ERN1: variants seen among roughly 807,000 people sequenced by gnomAD.
ERN1 encodes serine/threonine-protein kinase/endoribonuclease IRE1.
In ERN1, 39 loss-of-function variants were observed where a neutral mutation model predicts 113.1. That is an observed-to-expected ratio of 0.34 (90% CI 0.27 to 0.45). The LOEUF (loss-of-function observed/expected upper bound fraction) is 0.45, where lower values mean the gene tolerates loss of function less well. ERN1 is among the 20% of genes least tolerant of loss of function. ERN1 has a pLI of 1.00. For missense variants in ERN1, 976 were observed against 1,274.8 expected, an observed-to-expected ratio of 0.77 and a Z score of 3.57; for synonymous variants, 507 against 515.9, an observed-to-expected ratio of 0.98 and a Z score of 0.23.
At chr17:64,110,036 C>A (rs141172798) in intron 1 of ERN1, among the ~76,000 whole-genome samples, 38 of 152,162 alleles carry the variant, frequency 2.5e-4, no homozygotes, top group Non-Finnish European at 4.7e-4. Context: ...GCAAATTATA[C>A]AGGGAGGGGT....
chr17:64,097,611 TTAAG>T (rs1914265646), intron 2 of ERN1, among the ~76,000 whole-genome samples: 2 of 152,176 alleles, frequency 1.3e-5, no homozygotes. Context: ...GCATGGTATG[TTAAG>T]TAAGAAAGAA....
Position 64,125,520 on chromosome 17 carries a change from G to A in ERN1, c.54+4456C>T, listed in dbSNP as rs142262462. On this transcript the variant is annotated intron_variant, in intron 1 of 21. Transcript: ENST00000433197. ...GTTTTTCTTTTTGAGACAGAGTCTC[G>A]CTCTGTTGCCAAGGCTGCAGTGCAG... is the stretch of plus-strand genomic sequence containing the variant. 2.9e-3 allele frequency among the ~76,000 whole-genome samples: 444 copies of A among 152,128 alleles called. 3 individuals are homozygous for A. Among genetic ancestry groups the A allele is most frequent in the Non-Finnish European group, 4.6e-3 (310 of 67,990 alleles).
At chr17:64,056,462 C>T (rs935373284) in intron 12 of ERN1, among the ~76,000 whole-genome samples, 2 of 152,194 alleles carry the variant, frequency 1.3e-5, no homozygotes, top group Non-Finnish European at 2.9e-5. Flanking sequence ...ATGCAGAGTA[C>T]ATCTGCATAC....
In ERN1 at chr17:64,098,308, G is replaced by GCCCAC. The variant is rs1423468771; in HGVS notation, c.55-68_55-67insGTGGG. 3.8e-6 allele frequency: 6 copies of GCCCAC among 1,574,126 alleles called. No homozygotes were observed. In the Admixed American group the frequency reaches 1.0e-4, roughly 26 times the overall value. ...TTCACCTTGGGCATGTACAATCACA[G>GCCCAC]ACCCCCCACTCCCAAGGTTATCCTA... On this transcript the variant is annotated intron_variant, in intron 1 of 21. Transcript: ENST00000433197.
At chr17:64,068,003 A>C (rs1913288744) in intron 7 of ERN1, 187 bp downstream of exon 7, 2 of 542,726 alleles carry the variant, frequency 3.7e-6, no homozygotes, top group South Asian at 5.1e-5. Flanking sequence ...TTCCCTTCAG[A>C]CTTCACCAAG....
intron 1 of ERN1, among the ~76,000 whole-genome samples, chr17:64,107,265 T>C (rs1327746086): frequency 3.9e-5 from 6 of 152,292 alleles, no homozygotes; most frequent in South Asian, 2.1e-4. Flanking sequence ...CACAAAGGAC[T>C]ATCTTTGAAG....
intron 2 of ERN1, among the ~76,000 whole-genome samples, chr17:64,094,741 C>T (rs1168717942): frequency 2.0e-5 from 3 of 152,006 alleles, no homozygotes; most frequent in Non-Finnish European, 2.9e-5. Context: ...GTGGAGCCCT[C>T]CCTGTTTAAA....
chr17:64,110,781 C>A lies in ERN1; in HGVS notation c.55-12540G>T, dbSNP rs531491541. Among the ~76,000 whole-genome samples the A allele has an allele frequency of 7.9e-5, 12 of 152,314 alleles. No individual in the cohort carries two copies. In the East Asian group the frequency reaches 2.3e-3, roughly 29 times the overall value. On this transcript the variant is annotated intron_variant, in intron 1 of 21. Coordinates refer to ENST00000433197, the MANE Select transcript of ERN1 (RefSeq NM_001433.5). ...CAGCATAGGTTTTCTATTATCTAGG[C>A]TTCTCTGAGAAGCGATCTTTATGCA... is the stretch of plus-strand genomic sequence containing the variant.
chr17:64,089,035 G>A (rs2143433191), intron 2 of ERN1, among the ~76,000 whole-genome samples: 1 of 152,186 alleles, frequency 6.6e-6, no homozygotes, highest in Admixed American at 6.5e-5. Context: ...AAAGAGGAAT[G>A]TGGGCCGGGC....
At chr17:64,101,625 C>G (rs1914387239) in intron 1 of ERN1, among the ~76,000 whole-genome samples, 1 of 152,156 alleles carries the variant, frequency 6.6e-6, no homozygotes, top group Non-Finnish European at 1.5e-5. Context: ...CTAAGTTCCA[C>G]ATGAAGCACT....
At chr17:64,088,537 C>T (rs559301500) in intron 2 of ERN1, among the ~76,000 whole-genome samples, 7 of 152,284 alleles carry the variant, frequency 4.6e-5, no homozygotes, top group African/African-American at 1.7e-4. Context: ...CCCCATTCCC[C>T]GCCGAGGAGG....
chr17:64,125,474 G>T (rs75346271), intron 1 of ERN1, among the ~76,000 whole-genome samples: 1,647 of 152,160 alleles, frequency 0.011, 29 homozygotes, highest in African/African-American at 0.038. Flanking sequence ...GGGCACAGAA[G>T]CTCAATGTTT....
intron 2 of ERN1, among the ~76,000 whole-genome samples, chr17:64,081,763 C>T (rs1456853706): frequency 6.6e-6 from 1 of 152,212 alleles, no homozygotes; most frequent in African/African-American, 2.4e-5. Flanking sequence ...GTCAATTTTA[C>T]ATTTGCAGCA....
intron 1 of ERN1, among the ~76,000 whole-genome samples, chr17:64,100,546 G>A (rs958001133): frequency 2.0e-5 from 3 of 152,012 alleles, no homozygotes; most frequent in Admixed American, 6.5e-5. Flanking sequence ...CAAGGCAGGC[G>A]GATCACTTGA....
chr17:64,096,382 C>T (rs1914230002), intron 2 of ERN1, among the ~76,000 whole-genome samples: 1 of 152,196 alleles, frequency 6.6e-6, no homozygotes, highest in South Asian at 2.1e-4. Flanking sequence ...GTCACTGTTT[C>T]CCATCACGCC....
rs955764895 is a variant in ERN1 at position 64,049,279 on chromosome 17, T to C, written c.2254-77A>G. 1.4e-5 allele frequency: 19 copies of C among 1,406,832 alleles called. No homozygotes were observed. The highest frequency in any genetic ancestry group is 8.9e-5 in the Admixed American group (4 of 44,736). The allele number at this position is 1,406,832 out of a possible 1,614,324, so 87.1% of individuals were successfully genotyped here. ...ACTCACAGTCAGGGAGGGAGGAGCATTGCTGCTGCTTCTGCCACCTAGAAG... is the reference window on the plus strand; with the variant it reads ...ACTCACAGTCAGGGAGGGAGGAGCACTGCTGCTGCTTCTGCCACCTAGAAG... On this transcript the variant is annotated intron_variant, in intron 17 of 21. Coordinates refer to ENST00000433197, the MANE Select transcript of ERN1 (RefSeq NM_001433.5). This position sits in a 1 kb window ranked among gnomAD's most constrained non-coding sequence, Gnocchi z 4.7.
At chr17:64,081,410 A>G (rs1339971617) in intron 2 of ERN1, among the ~76,000 whole-genome samples, 2 of 152,184 alleles carry the variant, frequency 1.3e-5, no homozygotes, top group Non-Finnish European at 2.9e-5. Flanking sequence ...TTTTGTACAA[A>G]GATGTGTACG....
chr17:64,072,239 T>C, intron 5 of ERN1, 136 bp from the exon 6 acceptor site: 2 of 876,832 alleles, frequency 2.3e-6, no homozygotes, highest in Non-Finnish European at 3.5e-6. Flanking sequence ...GGTGATGATA[T>C]AAATGGTAAT....
rs1216293114 is a variant in ERN1 at position 64,049,297 on chromosome 17, C to T, written c.2254-95G>A. 3.9e-6 allele frequency: 5 copies of T among 1,297,968 alleles called. No homozygotes were observed. Among genetic ancestry groups the T allele is most frequent in the Non-Finnish European group, 4.2e-6 (4 of 959,672 alleles). 80.4% of individuals were successfully genotyped at this position (1,297,968 alleles called of 1,614,324 possible). Reference sequence around the variant, plus strand: ...AGGAGCATTGCTGCTGCTTCTGCCACCTAGAAGGTGTCCTGGGAGAATCAG... The same window carrying T: ...AGGAGCATTGCTGCTGCTTCTGCCATCTAGAAGGTGTCCTGGGAGAATCAG... On this transcript the variant is annotated intron_variant, in intron 17 of 21. Transcript: ENST00000433197. This position sits in a 1 kb window ranked among gnomAD's most constrained non-coding sequence, Gnocchi z 4.7.
Sources: gnomAD v4.1 joint callset for allele counts (sites outside exome capture counted in the v4.1 genomes callset) on GRCh38, gnomAD v4.1.1 for gene constraint, Gnocchi (gnomAD v3.1) non-coding constraint, MANE v1.5 for transcripts, NCBI Gene and HGNC (gene_info 2026-07-23, HGNC 2026-07-21) for gene names.